Variants in NLGN1 observed in about 807,000 individuals in gnomAD.
NLGN1 encodes the protein neuroligin 1.
Under a neutral mutation model 65.5 loss-of-function variants are expected in NLGN1, and 12 were observed. The ratio of observed to expected loss-of-function variants is 0.18; its 90% CI spans 0.12 to 0.30. NLGN1 has a LOEUF of 0.30. Ranked by LOEUF, NLGN1 falls within the 10% of genes least tolerant of loss-of-function variation. NLGN1 has a pLI of 1.00. For synonymous variants in NLGN1, 350 were observed against 359.5 expected, an observed-to-expected ratio of 0.97 and a Z score of 0.30; for missense variants, 750 against 1,007.1, an observed-to-expected ratio of 0.74 and a Z score of 3.46.
intron 4 of NLGN1, among the ~76,000 whole-genome samples, chr3:173,958,848 A>C (rs541005357): frequency 6.6e-6 from 1 of 152,192 alleles, no homozygotes; most frequent in Admixed American, 6.5e-5. Flanking sequence ...CCTCTCTCCC[A>C]TGCTCATTGG....
At chr3:173,559,943 T>C (rs1456204394) in intron 2 of NLGN1, among the ~76,000 whole-genome samples, 1 of 24,432 alleles carries the variant, frequency 4.1e-5, no homozygotes, top group Non-Finnish European at 7.9e-5. Context: ...CTAGATACAC[T>C]TTTTTTTTTT....
chr3:173,539,918 T>C (rs551777652), intron 2 of NLGN1, among the ~76,000 whole-genome samples: 3 of 142,558 alleles, frequency 2.1e-5, no homozygotes, highest in South Asian at 2.1e-4. Context: ...ATATATAACA[T>C]ACGTGTGTGT....
chr3:174,175,595 T>C (rs779682864), intron 4 of NLGN1, among the ~76,000 whole-genome samples: 4 of 151,930 alleles, frequency 2.6e-5, no homozygotes, highest in African/African-American at 4.8e-5. Context: ...CATGGAAAAC[T>C]GTCATTCAAA....
At chr3:173,595,935 A>T (rs1749403861) in intron 2 of NLGN1, among the ~76,000 whole-genome samples, 1 of 152,208 alleles carries the variant, frequency 6.6e-6, no homozygotes, top group Non-Finnish European at 1.5e-5. Flanking sequence ...GTCCCACAAC[A>T]CGTGGGAATT....
chr3:174,201,749 C>T (rs1734551563), intron 4 of NLGN1, among the ~76,000 whole-genome samples: 1 of 152,140 alleles, frequency 6.6e-6, no homozygotes, highest in Non-Finnish European at 1.5e-5. Flanking sequence ...CCAAATAAAG[C>T]TTGTGTCTAG....
At chr3:173,852,662 ATTG>A (rs1170246974) in intron 4 of NLGN1, among the ~76,000 whole-genome samples, 2 of 152,200 alleles carry the variant, frequency 1.3e-5, no homozygotes, top group Non-Finnish European at 1.5e-5. Context: ...TTTATAACAT[ATTG>A]TTCACCAATT....
At position 174,111,422 on chromosome 3, in the gene NLGN1, G is replaced by T. The variant is rs2140821; in HGVS notation, c.647-163893G>T. On this transcript the variant is annotated intron_variant, in intron 4 of 6. Transcript: ENST00000457714. ...TTTTTATGTGAACCCTCCTTTCCCAGTTTTTAAAGGTTGGCAATTATTTCA... is the reference window on the plus strand; with the variant it reads ...TTTTTATGTGAACCCTCCTTTCCCATTTTTTAAAGGTTGGCAATTATTTCA... Among the ~76,000 whole-genome samples, 4 of 151,774 alleles carry T rather than the reference G, an allele frequency of 2.6e-5. 1 individual carries two copies. In the South Asian group the frequency reaches 8.3e-4, roughly 32 times the overall value.
At chr3:174,129,319 G>A (rs1719646978) in intron 4 of NLGN1, among the ~76,000 whole-genome samples, 1 of 146,862 alleles carries the variant, frequency 6.8e-6, no homozygotes, top group East Asian at 2.0e-4. Context: ...CTCACCACCT[G>A]TTGCTATATC....
intron 3 of NLGN1, among the ~76,000 whole-genome samples, chr3:173,711,057 T>G (rs1282644648): frequency 2.0e-5 from 3 of 152,174 alleles, no homozygotes; most frequent in Non-Finnish European, 2.9e-5. Flanking sequence ...TCAATATTAG[T>G]CTACACAGGC....
chr3:173,506,182 T>C lies in NLGN1; in HGVS notation c.-321+71104T>C, dbSNP rs571043530. ...TGGCAAAAGGAATTTTCTATCCTCT[T>C]GAAAACATACTTACGAGAGAAAAGA... On this transcript the variant is annotated intron_variant, in intron 2 of 6. Transcript: ENST00000457714. 2.6e-5 allele frequency among the ~76,000 whole-genome samples: 4 copies of C among 152,146 alleles called. No individual in the cohort carries two copies. In the South Asian group the frequency reaches 8.3e-4, roughly 32 times the overall value.
At chr3:174,082,548 A>C (rs952236676) in intron 4 of NLGN1, among the ~76,000 whole-genome samples, 2 of 151,854 alleles carry the variant, frequency 1.3e-5, no homozygotes, top group Admixed American at 6.6e-5. Context: ...TTAAGATATA[A>C]TAGTAAATAG....
rs116025873 is a variant in NLGN1 at position 174,181,707 on chromosome 3, T to C, written c.647-93608T>C. ...ATTTTGGGAAGCCAAGGCAGGCATA[T>C]GGCTTGAGCCCAGGACTTCAAGACC... On this transcript the variant is annotated intron_variant, in intron 4 of 6. Transcript: ENST00000457714. Among the ~76,000 whole-genome samples, 404 of 152,078 alleles carry C rather than the reference T, an allele frequency of 2.7e-3. 1 individual carries two copies. The highest frequency in any genetic ancestry group is 9.4e-3 in the African/African-American group (391 of 41,478).
chr3:173,661,629 G>T (rs1760941180), intron 3 of NLGN1, among the ~76,000 whole-genome samples: 1 of 151,924 alleles, frequency 6.6e-6, no homozygotes, highest in East Asian at 1.9e-4. Flanking sequence ...TGCTAAAGCT[G>T]TTTCATCAGA....
At position 173,611,602 on chromosome 3, in the gene NLGN1, G is replaced by T. The variant is rs1752302135; in HGVS notation, c.493+6511G>T. On this transcript the variant is annotated intron_variant, in intron 3 of 6. Coordinates refer to ENST00000457714, the Ensembl canonical transcript of NLGN1. ...GAGATTTGGCTTCATATTTGAATTA[G>T]TAACTGTGGACAGATGTGGTTATGT... Among the ~76,000 whole-genome samples the T allele has an allele frequency of 3.3e-5, 5 of 152,008 alleles. No individual in the cohort carries two copies. In the South Asian group the frequency reaches 1.0e-3, roughly 31 times the overall value.
At position 173,486,333 on chromosome 3, in the gene NLGN1, A is replaced by G. The variant is rs9822261; in HGVS notation, c.-321+51255A>G. 2.6e-3 allele frequency among the ~76,000 whole-genome samples: 398 copies of G among 152,216 alleles called. 2 individuals are homozygous for G. Among genetic ancestry groups the G allele is most frequent in the African/African-American group, 9.2e-3 (382 of 41,536 alleles). On this transcript the variant is annotated intron_variant, in intron 2 of 6. Transcript: ENST00000457714. Reference sequence around the variant, plus strand: ...TGCCTCGGCCTCCCAAAATGCTGGGATTACAGGATTGAGCCACTGCACCCA... The same window carrying G: ...TGCCTCGGCCTCCCAAAATGCTGGGGTTACAGGATTGAGCCACTGCACCCA...
chr3:173,589,459 A>T (rs1177929627), intron 2 of NLGN1, among the ~76,000 whole-genome samples: 1 of 152,190 alleles, frequency 6.6e-6, no homozygotes, highest in East Asian at 1.9e-4. Context: ...TATGTTTTGC[A>T]TAATTTAGAA....
chr3:173,776,265 A>T (rs1404900452), intron 3 of NLGN1, among the ~76,000 whole-genome samples: 1 of 152,032 alleles, frequency 6.6e-6, no homozygotes, highest in Non-Finnish European at 1.5e-5. Flanking sequence ...ACTGTGTCCA[A>T]CTGGCCTTAG....
chr3:173,589,985 T>C lies in NLGN1; in HGVS notation c.-320-14294T>C, dbSNP rs183731093. Among the ~76,000 whole-genome samples the C allele has an allele frequency of 5.3e-5, 8 of 152,288 alleles. No homozygotes were observed. The East Asian group carries it at 1.5e-3, about 29-fold the overall frequency. On this transcript the variant is annotated intron_variant, in intron 2 of 6. Transcript: ENST00000457714. ...AAACATGTAATCAAGTAATATTGAG[T>C]TGATAAAATCCAGGTTGAGATTATC...
intron 1 of NLGN1, among the ~76,000 whole-genome samples, chr3:173,409,929 G>A (rs1712159682): frequency 2.6e-5 from 4 of 152,248 alleles, no homozygotes; most frequent in African/African-American, 7.2e-5. Context: ...CTGTAGGGGG[G>A]CCAAGAGGCA....
Sources: allele counts gnomAD v4.1 joint callset (sites outside exome capture counted in the v4.1 genomes callset), GRCh38; gene constraint gnomAD v4.1.1; transcripts MANE v1.5; gene names NCBI Gene and HGNC (gene_info 2026-07-23, HGNC 2026-07-21).